Variants in PHTF2 observed in about 807,000 individuals in gnomAD.
PHTF2 encodes protein PHTF2.
PHTF2 carries 60 observed loss-of-function variants against 101.2 expected under a neutral mutation model. The observed-to-expected ratio is 0.59, with a 90% CI of 0.48 to 0.73. The LOEUF is 0.73. Ranked by LOEUF, PHTF2 falls within the 30% of genes least tolerant of loss-of-function variation. The pLI, the probability that PHTF2 is intolerant of heterozygous loss-of-function variation, is 0.00. For missense variants in PHTF2, 747 were observed against 908.7 expected, an observed-to-expected ratio of 0.82 and a Z score of 2.29; for synonymous variants, 311 against 307.3, an observed-to-expected ratio of 1.01 and a Z score of -0.13.
In PHTF2 at chr7:77,806,794, A is replaced by G. The variant is rs774756883; in HGVS notation, c.-36+7823A>G. Among the ~76,000 whole-genome samples the G allele has an allele frequency of 8.9e-4, 135 of 151,826 alleles. 1 individual carries two copies. The highest frequency in any genetic ancestry group is 1.3e-3 in the Non-Finnish European group (89 of 67,934). ...CTTTATAACCTTTTTTGACTTGCCT[A>G]TAGCTCTTTTTTCTTGTAGTTTTGT... On this transcript the variant is annotated intron_variant, in intron 1 of 19. Coordinates refer to ENST00000416283, the Ensembl canonical transcript of PHTF2.
intron 7 of PHTF2, among the ~76,000 whole-genome samples, chr7:77,908,459 G>A (rs1305110500): frequency 1.3e-5 from 2 of 152,166 alleles, no homozygotes; most frequent in Non-Finnish European, 2.9e-5. Flanking sequence ...AAGAAATAAT[G>A]TACTTGAGGT....
chr7:77,846,000 C>T lies in PHTF2; in HGVS notation c.45+5700C>T, dbSNP rs963629319. ...TTGCTTTTCTAGAGTTGGCTTATTC[C>T]TTCCCATCACAGATGCCTTTCTCCA... On this transcript the variant is annotated intron_variant, in intron 2 of 19. Coordinates refer to ENST00000416283, the Ensembl canonical transcript of PHTF2. 4.6e-5 allele frequency among the ~76,000 whole-genome samples: 7 copies of T among 152,150 alleles called. 1 individual carries two copies. The South Asian group carries it at 1.5e-3, about 32-fold the overall frequency.
intron 11 of PHTF2, among the ~76,000 whole-genome samples, chr7:77,928,707 T>G (rs1804290249): frequency 6.6e-6 from 1 of 152,194 alleles, no homozygotes; most frequent in Admixed American, 6.5e-5. Context: ...TCTGCAGATG[T>G]GGAATGCATG....
At chr7:77,803,576 C>T (rs188078773) in intron 1 of PHTF2, among the ~76,000 whole-genome samples, 3 of 151,854 alleles carry the variant, frequency 2.0e-5, no homozygotes, top group East Asian at 1.9e-4. Context: ...ACCTACTTTG[C>T]GAGATTTTAA....
intron 3 of PHTF2, among the ~76,000 whole-genome samples, chr7:77,891,574 GT>G (rs959690244): frequency 1.2e-5 from 1 of 83,384 alleles, no homozygotes; most frequent in Non-Finnish European, 2.2e-5. Context: ...GTATAATATG[GT>G]TTTTTTTTGT....
At chr7:77,929,245 C>T (rs1804341879) in exon 12 of PHTF2, 1 of 1,611,470 alleles carries the variant, frequency 6.2e-7, no homozygotes, top group Non-Finnish European at 8.5e-7. Flanking sequence ...TGCCATTCAT[C>T]TTGTACCAGT....
At chr7:77,934,891 G>A (rs894379736) in intron 12 of PHTF2, among the ~76,000 whole-genome samples, 5 of 151,768 alleles carry the variant, frequency 3.3e-5, no homozygotes, top group Admixed American at 2.6e-4. Context: ...CCCGGGAGGC[G>A]AAGGTTTCAG....
rs147723073 is a variant in PHTF2, at chr7:77,810,406, G to C, written c.-36+11435G>C. ...GTACTTTATTGCAGAAGAAAATTCA[G>C]GATCACATTCTGTGTTTAGTTGTCA... On this transcript the variant is annotated intron_variant, in intron 1 of 19. Transcript: ENST00000416283. 9.0e-4 allele frequency among the ~76,000 whole-genome samples: 137 copies of C among 152,260 alleles called. 1 individual carries two copies. The highest frequency in any genetic ancestry group is 2.9e-3 in the African/African-American group (122 of 41,556).
chr7:77,937,944 C>T, intron 13 of PHTF2, 106 bp downstream of exon 12: 1 of 483,316 alleles, frequency 2.1e-6, no homozygotes, highest in Admixed American at 4.5e-5. Context: ...CTCATTTCTT[C>T]ACCCTGAAAA....
At chr7:77,820,206 C>G (rs1794172111) in intron 1 of PHTF2, among the ~76,000 whole-genome samples, 1 of 152,096 alleles carries the variant, frequency 6.6e-6, no homozygotes, top group South Asian at 2.1e-4. Context: ...CATTTTATTA[C>G]TGATTCAATC....
chr7:77,887,190 A>G (rs1799938355), intron 3 of PHTF2, among the ~76,000 whole-genome samples: 1 of 151,860 alleles, frequency 6.6e-6, no homozygotes, highest in African/African-American at 2.4e-5. Context: ...ATTTACATAT[A>G]TTTAATATAG....
intron 12 of PHTF2, among the ~76,000 whole-genome samples, chr7:77,936,083 A>G (rs988512417): frequency 1.1e-4 from 16 of 152,308 alleles, no homozygotes; most frequent in African/African-American, 3.6e-4. Flanking sequence ...AAGTTAAAGT[A>G]TATTAAAATC....
At chr7:77,908,159 T>TA (rs1334046496) in intron 7 of PHTF2, among the ~76,000 whole-genome samples, 4 of 152,338 alleles carry the variant, frequency 2.6e-5, no homozygotes, top group Admixed American at 2.6e-4. Flanking sequence ...AAGCCTAGGT[T>TA]ACATGTCTAT....
chr7:77,869,669 A>G (rs997123232), intron 3 of PHTF2, among the ~76,000 whole-genome samples: 1 of 152,262 alleles, frequency 6.6e-6, no homozygotes, highest in East Asian at 1.9e-4. Flanking sequence ...ACTAATTTAC[A>G]TTCTTACCAA....
At chr7:77,830,515 G>A (rs1795000499) in intron 1 of PHTF2, among the ~76,000 whole-genome samples, 1 of 152,074 alleles carries the variant, frequency 6.6e-6, no homozygotes, top group Non-Finnish European at 1.5e-5. Flanking sequence ...GATCAGCAGC[G>A]GCATTAGATT....
chr7:77,921,693 T>A (rs1803476861), intron 10 of PHTF2, among the ~76,000 whole-genome samples: 1 of 152,188 alleles, frequency 6.6e-6, no homozygotes, highest in Non-Finnish European at 1.5e-5. Context: ...AGTCATATGC[T>A]TTCAAACACG....
chr7:77,950,226 G>T (rs907203009), intron 17 of PHTF2, among the ~76,000 whole-genome samples: 1 of 151,960 alleles, frequency 6.6e-6, no homozygotes, highest in African/African-American at 2.4e-5. Context: ...TTTTCCTCCC[G>T]CCACTTTATA....
chr7:77,823,323 G>A (rs1465042810), intron 1 of PHTF2, among the ~76,000 whole-genome samples: 1 of 150,904 alleles, frequency 6.6e-6, no homozygotes, highest in Non-Finnish European at 1.5e-5. Context: ...CGGGTTCAAG[G>A]GATTCTTCTG....
intron 1 of PHTF2, among the ~76,000 whole-genome samples, chr7:77,831,700 T>C (rs962173321): frequency 1.3e-5 from 2 of 152,220 alleles, no homozygotes; most frequent in African/African-American, 4.8e-5. Context: ...TGTTGGTATA[T>C]GCATGAACAG....
Sources: allele counts gnomAD v4.1 joint callset (sites outside exome capture counted in the v4.1 genomes callset), GRCh38; gene constraint gnomAD v4.1.1; transcripts MANE v1.5; gene names NCBI Gene and HGNC (gene_info 2026-07-23, HGNC 2026-07-21).